BRSK1: variants seen among roughly 807,000 people sequenced by gnomAD.
BRSK1 encodes the protein serine/threonine-protein kinase BRSK1.
Under a neutral mutation model 86.2 loss-of-function variants are expected in BRSK1, and 17 were observed. The ratio of observed to expected loss-of-function variants is 0.20; its 90% CI spans 0.14 to 0.30. The LOEUF is 0.30. BRSK1 is among the 10% of genes least tolerant of loss of function. The pLI is 1.00. For missense variants in BRSK1, 719 were observed against 1,071.9 expected (o/e 0.67, Z 4.60); for synonymous variants, 464 against 440.1 (o/e 1.05, Z -0.68).
chr19:55,312,287 AATTT>A lies in BRSK1; in HGVS notation c.*223_*226del, dbSNP rs1012786247. ...GCTGTTTCTATTTTATTTATTGATT[AATTT>A]ATTATTTTATTTATTGATCAATCTC... On this transcript the variant is annotated 3_prime_UTR_variant, in exon 19 of 19. Coordinates refer to ENST00000309383, the MANE Select transcript of BRSK1 (RefSeq NM_032430.2). 4.3e-5 allele frequency: 14 copies of A among 328,788 alleles called. No homozygotes were observed. The highest frequency in any genetic ancestry group is 4.9e-5 in the Non-Finnish European group (9 of 185,314). 20.4% of individuals were successfully genotyped at this position (328,788 alleles called of 1,614,324 possible).
At position 55,312,533 on chromosome 19, in the gene BRSK1, C is replaced by CAAAAAAAAAAAAAAA; in HGVS notation, c.*480_*494dup. 3.9e-5 allele frequency: 1 copy of CAAAAAAAAAAAAAAA among 25,726 alleles called. No individual in the cohort carries two copies. The highest frequency in any genetic ancestry group is 6.2e-5 in the Non-Finnish European group (1 of 16,036). 1.6% of individuals were successfully genotyped at this position (25,726 alleles called of 1,614,324 possible). Reference sequence around the variant, plus strand: ...TCCGTGTCTCTGATTCCGCCGGCGGCAAAAAAAAAAAAAAAAAAAAAAAAA... The same window carrying CAAAAAAAAAAAAAAA: ...TCCGTGTCTCTGATTCCGCCGGCGGCAAAAAAAAAAAAAAAAAAAAAAAAAAAAAAAAAAAAAAAA... On this transcript the variant is annotated 3_prime_UTR_variant, in exon 19 of 19. Transcript: ENST00000309383.
In BRSK1 at chr19:55,287,428, C is replaced by G; in HGVS notation, c.317+129C>G. 4.9e-6 allele frequency: 4 copies of G among 814,176 alleles called. No individual in the cohort carries two copies. In the Admixed American group the frequency reaches 6.6e-5, roughly 13 times the overall value. 50.4% of individuals were successfully genotyped at this position (814,176 alleles called of 1,614,324 possible). On this transcript the variant is annotated intron_variant, in intron 3 of 18. Transcript: ENST00000309383. This position sits in a 1 kb window ranked among gnomAD's most constrained non-coding sequence, Gnocchi z 5.3. Reference sequence around the variant, plus strand: ...GCTCTCCAGGCTGGACCGCTGAAGGCCCAGTTCCTTGCCTGTTGCACAGGG... The same window carrying G: ...GCTCTCCAGGCTGGACCGCTGAAGGGCCAGTTCCTTGCCTGTTGCACAGGG...
intron 7 of BRSK1, among the ~76,000 whole-genome samples, chr19:55,298,094 C>T (rs1299952968): frequency 6.6e-6 from 1 of 151,846 alleles, no homozygotes; most frequent in Admixed American, 6.6e-5. Context: ...GGATTACAGG[C>T]GTGAGCCACT....
intron 17 of BRSK1, among the ~76,000 whole-genome samples, chr19:55,307,791 TTA>T (rs2088681879): frequency 1.2e-5 from 1 of 82,560 alleles, no homozygotes; most frequent in Non-Finnish European, 2.3e-5. Flanking sequence ...CACACACAAT[TTA>T]AAAAAAAAAA....
At chr19:55,286,719 C>T (rs2088322739) in intron 1 of BRSK1, among the ~76,000 whole-genome samples, 1 of 149,758 alleles carries the variant, frequency 6.7e-6, no homozygotes, top group Non-Finnish European at 1.5e-5. Context: ...GCGTGGCAGG[C>T]GGGCTCCCCA....
intron 16 of BRSK1, 48 bp downstream of exon 16, chr19:55,305,634 G>GGTGGT: frequency 6.2e-7 from 1 of 1,612,188 alleles, no homozygotes; most frequent in Non-Finnish European, 8.5e-7. Context: ...AGAACTACAA[G>GGTGGT]TCCCAGCAGC....
Position 55,304,024 on chromosome 19 carries a change from T to C in BRSK1, c.1287-26T>C, listed in dbSNP as rs187406001. The stretch of plus-strand genomic sequence containing the variant: ...TTTGAAACCCTCCCATCTGATTTTT[T>C]TTTTTTAAATCTATCCTGGAAACAG... On this transcript the variant is annotated intron_variant, in intron 12 of 18. Coordinates refer to ENST00000309383, the MANE Select transcript of BRSK1 (RefSeq NM_032430.2). The surrounding 1 kb of genome is among the most constrained non-coding windows in gnomAD (Gnocchi z 5.2). 4.9e-4 allele frequency: 774 copies of C among 1,588,136 alleles called. 1 individual carries two copies. The African/African-American group carries it at 9.3e-3, about 19-fold the overall frequency.
In BRSK1 at chr19:55,312,218, C is replaced by T. The variant is rs1017606047; in HGVS notation, c.*150C>T. Reference sequence around the variant, plus strand: ...CCTGCAGGGATGGGGCTCCACAGGCCGTGCCCAACTGGGGGTGGTTCTAGG... The same window carrying T: ...CCTGCAGGGATGGGGCTCCACAGGCTGTGCCCAACTGGGGGTGGTTCTAGG... On this transcript the variant is annotated 3_prime_UTR_variant, in exon 19 of 19. Coordinates refer to ENST00000309383, the MANE Select transcript of BRSK1 (RefSeq NM_032430.2). The T allele has an allele frequency of 2.8e-5, 12 of 425,540 alleles. No individual in the cohort carries two copies. The highest frequency in any genetic ancestry group is 1.8e-4 in the South Asian group (3 of 16,980). The allele number at this position is 425,540 out of a possible 1,614,324, so 26.4% of individuals were successfully genotyped here. A position where few individuals can be genotyped will look rare whatever the true frequency, so the allele number is the denominator to read the frequency against.
rs982049336 is a variant in BRSK1 at position 55,294,534 on chromosome 19, C to T, written c.678+137C>T. 13 of 1,140,746 alleles carry T rather than the reference C, an allele frequency of 1.1e-5. No individual in the cohort carries two copies. The Admixed American group carries it at 2.8e-4, about 25-fold the overall frequency. The allele number at this position is 1,140,746 out of a possible 1,614,324, so 70.7% of individuals were successfully genotyped here. A position where few individuals can be genotyped will look rare whatever the true frequency, so the allele number is the denominator to read the frequency against. Reference sequence around the variant, plus strand: ...TTATTTATTTTGAGACAGAGTCTTGCCCCGTCGCCTAGGCTGGAGTGCAGT... The same window carrying T: ...TTATTTATTTTGAGACAGAGTCTTGTCCCGTCGCCTAGGCTGGAGTGCAGT... On this transcript the variant is annotated intron_variant, in intron 7 of 18. Transcript: ENST00000309383. The surrounding 1 kb of genome is among the most constrained non-coding windows in gnomAD (Gnocchi z 4.9).
Position 55,303,730 on chromosome 19 carries a change from G to A in BRSK1, c.1190G>A (p.Arg397Gln), listed in dbSNP as rs746105345. The A allele has an allele frequency of 2.5e-6, 4 of 1,613,806 alleles. No homozygotes were observed. The highest frequency in any genetic ancestry group is 3.4e-6 in the Non-Finnish European group (4 of 1,179,892). The part of the protein sequence containing the change: ...LSRHGKRRPE[R>Q]KSMEVLSITD... ...CGTCACGGGAAGCGGCGACCAGAGC[G>A]GAAGTCCATGGAAGTCCTGAGCATC... Residue 397 changes from arginine to glutamine, a missense_variant, in exon 12 of 19, where the codon CGG (arginine) becomes CAG (glutamine). By Grantham distance (43) the Arg-to-Gln change is conservative. Around this residue, in one of 6 missense-constraint regions of BRSK1, gnomAD observed 168 missense variants for 246.3 expected, o/e 0.68. Transcript: ENST00000309383. This position sits in a 1 kb window ranked among gnomAD's most constrained non-coding sequence, Gnocchi z 5.1.
intron 7 of BRSK1, among the ~76,000 whole-genome samples, chr19:55,297,815 A>G (rs1202076062): frequency 6.6e-6 from 1 of 151,886 alleles, no homozygotes; most frequent in Non-Finnish European, 1.5e-5. Flanking sequence ...TATTTTATCT[A>G]TTTATTTTTT....
At position 55,306,600 on chromosome 19, in the gene BRSK1, C is replaced by A. The variant is rs1009127093; in HGVS notation, c.2089+150C>A. The A allele has an allele frequency of 3.6e-6, 3 of 829,430 alleles. No homozygotes were observed. The highest frequency in any genetic ancestry group is 5.7e-6 in the Non-Finnish European group (3 of 529,164). 51.4% of individuals were successfully genotyped at this position (829,430 alleles called of 1,614,324 possible). ...CTGTGCTCCTCCTGCCCACACAGAC[C>A]GCCCCACAAGCCCATCCTCTATTTC... is the stretch of plus-strand genomic sequence containing the variant. On this transcript the variant is annotated intron_variant, in intron 17 of 18. Transcript: ENST00000309383. The surrounding 1 kb of genome is among the most constrained non-coding windows in gnomAD (Gnocchi z 4.7).
chr19:55,302,917 A>G lies in BRSK1; in HGVS notation c.1028+50A>G. 6.3e-7 allele frequency: 1 copy of G among 1,582,556 alleles called. No homozygotes were observed. The highest frequency in any genetic ancestry group is 1.1e-5 in the South Asian group (1 of 88,810). On this transcript the variant is annotated intron_variant, in intron 10 of 18. Transcript: ENST00000309383. The surrounding 1 kb of genome is among the most constrained non-coding windows in gnomAD (Gnocchi z 6.3). ...CGTGTACCCACGTGGGGCGAGCTGC[A>G]GCAGCTCCCTGCGCACATGCAGAGT...
rs770275427 is a variant in BRSK1, at chr19:55,304,600, G to C, written c.1397G>C (p.Arg466Pro). Residue 466 changes from arginine to proline, a missense_variant, in exon 14 of 19, where the codon CGA becomes CCA. By Grantham distance (103) the Arg-to-Pro change is moderately radical (BLOSUM62 -2). This residue lies in a region of BRSK1 where 143 missense variants were observed against 120.1 expected (regional missense o/e 1.19). Transcript: ENST00000309383. This position sits in a 1 kb window ranked among gnomAD's most constrained non-coding sequence, Gnocchi z 5.2. Reference sequence around the variant, plus strand: ...GAGCCGGGGGCTGGAGATGAGGCTCGAGGCGGGGGCTCCCCGACTTCCAAA... The same window carrying C: ...GAGCCGGGGGCTGGAGATGAGGCTCCAGGCGGGGGCTCCCCGACTTCCAAA... ...SPEPGAGDEA[R>P]GGGSPTSKTQ... 5 of 1,578,668 alleles carry C rather than the reference G, an allele frequency of 3.2e-6. No homozygotes were observed. In the African/African-American group the frequency reaches 4.1e-5, roughly 13 times the overall value.
chr19:55,286,920 G>A (rs756560993), intron 1 of BRSK1, 87 bp from the exon 2 acceptor site: 18 of 1,227,776 alleles, frequency 1.5e-5, no homozygotes, highest in Non-Finnish European at 1.9e-5. Flanking sequence ...GGAGGAAGGA[G>A]CAAACAGGGT....
rs2122974513 is a variant in BRSK1 at position 55,301,964 on chromosome 19, C to T, written c.826-173C>T. 3.4e-6 allele frequency: 3 copies of T among 881,008 alleles called. No individual in the cohort carries two copies. The East Asian group carries it at 7.2e-5, about 21-fold the overall frequency. The allele number at this position is 881,008 out of a possible 1,614,324, so 54.6% of individuals were successfully genotyped here. On this transcript the variant is annotated intron_variant, in intron 8 of 18. Transcript: ENST00000309383. ...CCGGGGTACACGGAGACCGCGCGTGCGCGGGGCGATGCACTCAGTCGCCAC... is the reference window on the plus strand; with the variant it reads ...CCGGGGTACACGGAGACCGCGCGTGTGCGGGGCGATGCACTCAGTCGCCAC...
Position 55,305,307 on chromosome 19 carries a change from C to CT in BRSK1, c.1718-12dup. On this transcript the variant is annotated splice_polypyrimidine_tract_variant and intron_variant, in intron 14 of 18. Coordinates refer to ENST00000309383, the MANE Select transcript of BRSK1 (RefSeq NM_032430.2). ...CACAGGTGTTGACCACGTTCTCTGC[C>CT]TTCCCCCTACCAGTCCCTACCGCTG... The CT allele has an allele frequency of 6.2e-7, 1 of 1,613,950 alleles. No individual in the cohort carries two copies. Among genetic ancestry groups the CT allele is most frequent in the Middle Eastern group, 1.7e-4 (1 of 5,960 alleles).
chr19:55,306,345 C>G lies in BRSK1; in HGVS notation c.1984C>G (p.Arg662Gly). 6.2e-7 allele frequency: 1 copy of G among 1,614,100 alleles called. No individual in the cohort carries two copies. Among genetic ancestry groups the G allele is most frequent in the Non-Finnish European group, 8.5e-7 (1 of 1,180,040 alleles). Reference sequence around the variant, plus strand: ...CCCCTCCGTCTTCCAAAAGCCCGTCCGCTTCCAGGTGGACATCAGCTCCTC... The same window carrying G: ...CCCCTCCGTCTTCCAAAAGCCCGTCGGCTTCCAGGTGGACATCAGCTCCTC... Reference protein sequence around the residue: ...GGPSVFQKPVRFQVDISSSEG... With the variant: ...GGPSVFQKPVGFQVDISSSEG... The change falls in exon 17 of 19, where the codon CGC becomes GGC. Residue 662 changes from arginine to glycine, a missense_variant. Arg to Gly is a moderately radical substitution (Grantham distance 125, BLOSUM62 -2). Coordinates refer to ENST00000309383, the MANE Select transcript of BRSK1 (RefSeq NM_032430.2). This position sits in a 1 kb window ranked among gnomAD's most constrained non-coding sequence, Gnocchi z 4.7.
intron 7 of BRSK1, among the ~76,000 whole-genome samples, chr19:55,297,359 G>A (rs777487140): frequency 8.6e-5 from 13 of 152,002 alleles, no homozygotes; most frequent in African/African-American, 2.7e-4. Context: ...GAGCCACCAC[G>A]CCCAGCCATA....
Sources: gnomAD v4.1 joint callset for allele counts (sites outside exome capture counted in the v4.1 genomes callset) on GRCh38, gnomAD v4.1.1 for gene constraint, gnomAD v4.1.1 regional missense constraint, Gnocchi (gnomAD v3.1) non-coding constraint, MANE v1.5 for transcripts, NCBI Gene and HGNC (gene_info 2026-07-23, HGNC 2026-07-21) for gene names.